Variants in ANAPC4 observed in about 807,000 individuals in gnomAD.
The protein encoded by ANAPC4 is anaphase promoting complex subunit 4, also known as anaphase-promoting complex subunit 4.
Under a neutral mutation model 119.8 loss-of-function variants are expected in ANAPC4, and 63 were observed. The ratio of observed to expected loss-of-function variants is 0.53; its 90% confidence interval spans 0.43 to 0.65. The LOEUF is 0.65. ANAPC4 is among the 30% of genes least tolerant of loss of function. The pLI, the probability that ANAPC4 is intolerant of heterozygous loss-of-function variation, is 0.00. For synonymous variants in ANAPC4, 283 were observed against 318.6 expected (o/e 0.89, Z 1.19); for missense variants, 716 against 945.1 (o/e 0.76, Z 3.18).
intron 2 of ANAPC4, among the ~76,000 whole-genome samples, chr4:25,379,590 G>A (rs1352714980): frequency 6.6e-6 from 1 of 152,230 alleles, no homozygotes; most frequent in African/African-American, 2.4e-5. Flanking sequence ...GCACATTTCA[G>A]AGAAAAGTAC....
intron 16 of ANAPC4, among the ~76,000 whole-genome samples, chr4:25,399,685 G>A (rs1485095498): frequency 6.6e-6 from 1 of 152,158 alleles, no homozygotes; most frequent in East Asian, 1.9e-4. Context: ...AGATCTGCAG[G>A]TGGAGCTGTC....
chr4:25,406,466 A>C (rs1723255668), intron 18 of ANAPC4, among the ~76,000 whole-genome samples: 2 of 152,220 alleles, frequency 1.3e-5, no homozygotes, highest in African/African-American at 4.8e-5. Flanking sequence ...GTTTGCCTGC[A>C]GCCCTTAACT....
intron 3 of ANAPC4, chr4:25,380,737 A>G (rs747215005): frequency 9.9e-6 from 3 of 303,330 alleles, no homozygotes; most frequent in Non-Finnish European, 1.8e-5. Context: ...ATCTGATGGA[A>G]TATACAAAAT....
rs540429820 is a variant in ANAPC4 at position 25,394,166 on chromosome 4, A to T, written c.877-144A>T. ...TAGAACAGCTGATTGGCTATCTTCT[A>T]GTCACTGATGTTCAGATGATCACTT... On this transcript the variant is annotated intron_variant, in intron 11 of 28. Coordinates refer to ENST00000315368, the MANE Select transcript of ANAPC4 (RefSeq NM_013367.3). The T allele has an allele frequency of 3.2e-5, 23 of 728,650 alleles. No individual in the cohort carries two copies. In the African/African-American group the frequency reaches 4.1e-4, roughly 13 times the overall value. The allele number at this position is 728,650 out of a possible 1,614,324, so 45.1% of individuals were successfully genotyped here.
At chr4:25,395,097 TA>T (rs1241991280) in intron 14 of ANAPC4, 192 bp downstream of exon 14, 1 of 519,048 alleles carries the variant, frequency 1.9e-6, no homozygotes, top group African/African-American at 2.0e-5. Flanking sequence ...CTTTATGAAG[TA>T]ATTTTCCAAC....
chr4:25,394,645 T>C, intron 12 of ANAPC4, 26 bp from the exon 13 acceptor site: 4 of 1,576,536 alleles, frequency 2.5e-6, no homozygotes, highest in Non-Finnish European at 2.6e-6. Context: ...GAGAAGTGAC[T>C]AAAAATACTT....
chr4:25,396,770 G>A lies in ANAPC4; in HGVS notation c.1162+6G>A, dbSNP rs1355324875. 6.2e-7 allele frequency: 1 copy of A among 1,611,862 alleles called. No homozygotes were observed. Among genetic ancestry groups the A allele is most frequent in the Non-Finnish European group, 8.5e-7 (1 of 1,179,218 alleles). On this transcript the variant is annotated splice_donor_region_variant and intron_variant, in intron 15 of 28. Coordinates refer to ENST00000315368, the MANE Select transcript of ANAPC4 (RefSeq NM_013367.3). ...AGATGCTGCAGGAATCGAAGGTAGT[G>A]ATTTAATTTCTCAGTGAAATACATT... is the stretch of plus-strand genomic sequence containing the variant.
rs142875758 is a variant in ANAPC4 at position 25,384,437 on chromosome 4, A to C, written c.368+1044A>C. 1.8e-3 allele frequency among the ~76,000 whole-genome samples: 270 copies of C among 152,334 alleles called. 1 individual carries two copies. The highest frequency in any genetic ancestry group is 5.9e-3 in the African/African-American group (245 of 41,588). On this transcript the variant is annotated intron_variant, in intron 4 of 28. Coordinates refer to ENST00000315368, the MANE Select transcript of ANAPC4 (RefSeq NM_013367.3). ...TTCTTAATGACATCCAGAATGGTGA[A>C]TCCTTTCTAGAAGGTTTTCAGTTTG... is the stretch of plus-strand genomic sequence containing the variant.
intron 17 of ANAPC4, 76 bp downstream of exon 17, chr4:25,403,102 A>G: frequency 9.0e-7 from 1 of 1,108,602 alleles, no homozygotes; most frequent in African/African-American, 1.6e-5. Flanking sequence ...GACTGTTTCA[A>G]TAAATCTAGT....
Position 25,418,219 on chromosome 4 carries a change from A to G in ANAPC4, c.2264A>G (p.Asp755Gly), listed in dbSNP as rs769236592. 4.3e-6 allele frequency: 7 copies of G among 1,614,128 alleles called. No individual in the cohort carries two copies. The South Asian group carries it at 5.5e-5, about 13-fold the overall frequency. Residue 755 changes from aspartate (D) to glycine (G), a missense_variant, in exon 29 of 29, where the codon GAT (aspartate) becomes GGT (glycine). Asp to Gly is a moderately conservative substitution (Grantham distance 94). This residue lies in a region of ANAPC4 where 504 missense variants were observed against 615.8 expected (regional missense o/e 0.82). Coordinates refer to ENST00000315368, the MANE Select transcript of ANAPC4 (RefSeq NM_013367.3). ...EMDIDDEWEL[D>G]ESSDEEEEAS... The stretch of plus-strand genomic sequence containing the variant: ...GACATAGATGATGAATGGGAGCTCG[A>G]TGAGTCTTCAGATGAAGAGGAGGAG...
At chr4:25,392,667 C>A (rs1049266216) in intron 10 of ANAPC4, among the ~76,000 whole-genome samples, 1 of 147,760 alleles carries the variant, frequency 6.8e-6, no homozygotes, top group Admixed American at 6.9e-5. Flanking sequence ...AATAAAATAC[C>A]ATTTACATTA....
rs1166226622 is a variant in ANAPC4 at position 25,412,027 on chromosome 4, C to T, written c.1526-1618C>T. ...TTGGGTAGCCATGCTTGTTGTCTGA[C>T]TTGGCTATAAGGTTAAGGTCAAGAG... On this transcript the variant is annotated intron_variant, in intron 21 of 28. Transcript: ENST00000315368. Among the ~76,000 whole-genome samples the T allele has an allele frequency of 2.6e-5, 4 of 152,154 alleles. No homozygotes were observed. In the East Asian group the frequency reaches 7.7e-4, roughly 29 times the overall value.
At chr4:25,381,398 C>T (rs1721715821) in intron 3 of ANAPC4, among the ~76,000 whole-genome samples, 1 of 151,416 alleles carries the variant, frequency 6.6e-6, no homozygotes, top group Admixed American at 6.6e-5. Flanking sequence ...GAAACCTTCA[C>T]CTCCCGGGTT....
At chr4:25,414,752 A>G (rs1443608853) in intron 25 of ANAPC4, 52 bp downstream of exon 25, 3 of 1,400,738 alleles carry the variant, frequency 2.1e-6, no homozygotes, top group South Asian at 3.2e-5. Flanking sequence ...TATTATTTGT[A>G]AGAATGAAGC....
intron 8 of ANAPC4, among the ~76,000 whole-genome samples, chr4:25,390,630 G>A (rs34278379): frequency 0.02 from 3,113 of 152,234 alleles, 58 homozygotes; most frequent in South Asian, 0.11. Flanking sequence ...TCTTACACTC[G>A]CAAAAGGGGT....
intron 16 of ANAPC4, among the ~76,000 whole-genome samples, chr4:25,401,775 C>G (rs1722991761): frequency 6.6e-6 from 1 of 152,166 alleles, no homozygotes; most frequent in Non-Finnish European, 1.5e-5. Context: ...GTACCCCTCT[C>G]CATCCACAGC....
chr4:25,417,808 A>C, intron 28 of ANAPC4, 69 bp downstream of exon 28: 1 of 1,540,302 alleles, frequency 6.5e-7, no homozygotes, highest in African/African-American at 1.4e-5. Flanking sequence ...TGGAACCTTC[A>C]TCAAATACAT....
chr4:25,394,921 A>G lies in ANAPC4; in HGVS notation c.1061+16A>G, dbSNP rs370911269. On this transcript the variant is annotated intron_variant, in intron 14 of 28. Transcript: ENST00000315368. ...ATTTACAGAGGTATGAAGGTGACGT[A>G]GAATTTTTTGGTATTGTATCCACAC... 3.1e-5 allele frequency: 49 copies of G among 1,603,170 alleles called. No homozygotes were observed. The highest frequency in any genetic ancestry group is 4.1e-5 in the Non-Finnish European group (48 of 1,174,042).
intron 3 of ANAPC4, among the ~76,000 whole-genome samples, chr4:25,382,120 T>A (rs1721766833): frequency 1.2e-5 from 1 of 82,786 alleles, no homozygotes; most frequent in African/African-American, 4.0e-5. Context: ...TTTTCTTTTT[T>A]TTCCCCCCCC....
Sources: allele counts gnomAD v4.1 joint callset (sites outside exome capture counted in the v4.1 genomes callset), GRCh38; gene constraint gnomAD v4.1.1; regional missense constraint gnomAD v4.1.1; transcripts MANE v1.5; gene names NCBI Gene and HGNC (gene_info 2026-07-23, HGNC 2026-07-21).